The following KLKB1 variants were observed in gnomAD, a reference collection of about 807,000 sequenced individuals.
KLKB1 encodes the protein kallikrein B1, also known as plasma kallikrein.
Under a neutral mutation model 73.6 loss-of-function variants are expected in KLKB1, and 58 were observed. The ratio of observed to expected loss-of-function variants is 0.79; its 90% CI spans 0.64 to 0.98. The LOEUF is 0.98. Among genes scored for constraint, KLKB1 ranks in the 50% least tolerant of loss-of-function variants. The probability of loss-of-function intolerance (pLI) is 0.00; values close to 1 mark genes in which losing one functional copy is unlikely to be tolerated. For missense variants in KLKB1, 737 were observed against 763.8 expected (o/e 0.96, Z 0.41); for synonymous variants, 280 against 258.1 (o/e 1.08, Z -0.81).
intron 5 of KLKB1, 23 bp downstream of exon 5, chr4:186,236,963 G>A: frequency 1.2e-6 from 2 of 1,613,112 alleles, no homozygotes; most frequent in Non-Finnish European, 1.7e-6. Flanking sequence ...CAAGGTGTGT[G>A]TTCTTTGTAT....
At chr4:186,252,453 C>T (rs558600394) in intron 11 of KLKB1, among the ~76,000 whole-genome samples, 1 of 151,232 alleles carries the variant, frequency 6.6e-6, no homozygotes, top group South Asian at 2.1e-4. Context: ...TCCAACCCAC[C>T]ACCCACCACC....
chr4:186,245,531 G>A (rs953157048), intron 6 of KLKB1, among the ~76,000 whole-genome samples: 5 of 152,272 alleles, frequency 3.3e-5, no homozygotes, highest in South Asian at 2.1e-4. Flanking sequence ...CCCAGGCTGC[G>A]GGCATTCCTT....
intron 6 of KLKB1, among the ~76,000 whole-genome samples, chr4:186,244,761 A>C (rs964625139): frequency 6.6e-6 from 1 of 152,018 alleles, no homozygotes; most frequent in African/African-American, 2.4e-5. Flanking sequence ...AAAATGGGGG[A>C]ATTGTAAGGA....
At chr4:186,232,036 C>T (rs1737420895) in intron 2 of KLKB1, 91 bp from the exon 3 acceptor site, 3 of 994,356 alleles carry the variant, frequency 3.0e-6, no homozygotes, top group Non-Finnish European at 4.5e-6. Context: ...TTTGAGTAGT[C>T]AGTCAGTGGG....
At chr4:186,232,871 A>G (rs1395887324) in intron 3 of KLKB1, among the ~76,000 whole-genome samples, 1 of 152,040 alleles carries the variant, frequency 6.6e-6, no homozygotes, top group Non-Finnish European at 1.5e-5. Flanking sequence ...GTGAATATGT[A>G]TTATTAACTG....
chr4:186,257,734 AGAAAGAGT>A (rs1352773867), intron 14 of KLKB1, among the ~76,000 whole-genome samples: 3 of 138,562 alleles, frequency 2.2e-5, no homozygotes, highest in African/African-American at 8.1e-5. Flanking sequence ...GAGAACTTTA[AGAAAGAGT>A]GAGTGTGTGT....
chr4:186,219,954 A>G (rs1736997228), intron 2 of KLKB1, among the ~76,000 whole-genome samples: 2 of 152,136 alleles, frequency 1.3e-5, no homozygotes, highest in South Asian at 4.1e-4. Context: ...ACCACAGCCA[A>G]CACTGCAACT....
At chr4:186,235,466 G>A (rs1035018295) in intron 4 of KLKB1, among the ~76,000 whole-genome samples, 4 of 152,008 alleles carry the variant, frequency 2.6e-5, no homozygotes, top group African/African-American at 9.7e-5. Context: ...TGTAAGAGTC[G>A]CATCCCAACT....
chr4:186,249,433 G>A (rs905830284), intron 6 of KLKB1, among the ~76,000 whole-genome samples: 1 of 152,166 alleles, frequency 6.6e-6, no homozygotes, highest in Non-Finnish European at 1.5e-5. Flanking sequence ...AAATGTAAGA[G>A]TTTATTTTTG....
rs1476003078 is a variant in KLKB1 at position 186,258,016 on chromosome 4, C to G, written c.1726-5C>G. The G allele has an allele frequency of 1.2e-6, 2 of 1,613,630 alleles. No homozygotes were observed. The highest frequency in any genetic ancestry group is 1.7e-6 in the Non-Finnish European group (2 of 1,179,544). ...CTACTATTTTATTTTTCCACTGTGACTCAGGGAGATTCAGGTGGTCCCTTA... is the reference window on the plus strand; with the variant it reads ...CTACTATTTTATTTTTCCACTGTGAGTCAGGGAGATTCAGGTGGTCCCTTA... On this transcript the variant is annotated splice_polypyrimidine_tract_variant and splice_region_variant and intron_variant, in intron 14 of 14. Coordinates refer to ENST00000264690, the MANE Select transcript of KLKB1 (RefSeq NM_000892.5).
At chr4:186,231,745 T>A (rs578172479) in intron 2 of KLKB1, among the ~76,000 whole-genome samples, 1 of 152,354 alleles carries the variant, frequency 6.6e-6, no homozygotes, top group South Asian at 2.1e-4. Flanking sequence ...TGTGAGAAGC[T>A]GGTGGAGATG....
In KLKB1 at chr4:186,238,320, G is replaced by A. The variant is rs755781116; in HGVS notation, c.553G>A (p.Val185Met). 2.5e-6 allele frequency: 4 copies of A among 1,613,798 alleles called. No individual in the cohort carries two copies. Among genetic ancestry groups the A allele is most frequent in the Non-Finnish European group, 2.5e-6 (3 of 1,179,846 alleles). The change falls in exon 6 of 15, where the codon GTG becomes ATG. Residue 185 changes from valine (V) to methionine (M), a missense_variant. Coordinates refer to ENST00000264690, the MANE Select transcript of KLKB1 (RefSeq NM_000892.5). ...TPTAIKVLSN[V>M]ESGFSLKPCA... ...TACCGCTATAAAGGTGCTGAGTAAC[G>A]TGGAATCTGGATTCTCACTGAAGCC...
rs62348798 is a variant in KLKB1, at chr4:186,254,920, G to A, written c.1489+157G>A. Among the ~76,000 whole-genome samples the A allele has an allele frequency of 9.2e-3, 1,407 of 152,284 alleles. 13 individuals carry two copies. The highest frequency in any genetic ancestry group is 0.016 in the Non-Finnish European group (1,082 of 68,014). On this transcript the variant is annotated intron_variant, in intron 12 of 14. Transcript: ENST00000264690. ...GGTTGCTGGGAAGTGAAGACCCCGC[G>A]ACTTGCCGTGAAATCTCTTCTACTT...
chr4:186,238,099 G>A (rs1023147173), intron 5 of KLKB1, among the ~76,000 whole-genome samples, 157 bp from the exon 6 acceptor site: 6 of 152,044 alleles, frequency 3.9e-5, no homozygotes, highest in Non-Finnish European at 7.3e-5. Context: ...CTTTGCGAGG[G>A]GAAGGATGTC....
chr4:186,225,019 A>G (rs969384603), upstream of KLKB1, among the ~76,000 whole-genome samples: 12 of 152,176 alleles, frequency 7.9e-5, no homozygotes, highest in African/African-American at 2.9e-4. Context: ...TCTCTCTCGT[A>G]TCACCTTGTG....
chr4:186,237,459 A>G (rs1737756166), intron 5 of KLKB1, among the ~76,000 whole-genome samples: 1 of 152,004 alleles, frequency 6.6e-6, no homozygotes, highest in African/African-American at 2.4e-5. Flanking sequence ...TTCCCCTGGC[A>G]TGTAATTGTA....
intron 3 of KLKB1, among the ~76,000 whole-genome samples, chr4:186,233,018 G>A (rs528875979): frequency 2.5e-4 from 38 of 152,238 alleles, no homozygotes; most frequent in South Asian, 2.1e-3. Flanking sequence ...AGGTTCAAGC[G>A]ATTCTCCTGC....
intron 6 of KLKB1, among the ~76,000 whole-genome samples, chr4:186,240,885 G>C (rs1200311860): frequency 2.0e-5 from 3 of 152,168 alleles, no homozygotes; most frequent in African/African-American, 4.8e-5. Context: ...CCTGTTGCTG[G>C]AAGGATTTGC....
intron 2 of KLKB1, chr4:186,212,988 T>A (rs1736778753): frequency 1.3e-5 from 2 of 152,256 alleles, no homozygotes; most frequent in Admixed American, 6.5e-5. Context: ...TGATTTTGGA[T>A]AATAAAAGTT....
Sources: allele counts gnomAD v4.1 joint callset (sites outside exome capture counted in the v4.1 genomes callset), GRCh38; gene constraint gnomAD v4.1.1; transcripts MANE v1.5; gene names NCBI Gene and HGNC (gene_info 2026-07-23, HGNC 2026-07-21).